Variants in PSD3 observed in about 807,000 individuals in gnomAD.
The protein encoded by PSD3 is PH and SEC7 domain-containing protein 3.
In PSD3, 49 loss-of-function variants were observed where a neutral mutation model predicts 105.5. The ratio of observed to expected loss-of-function variants is 0.46; its 90% CI spans 0.37 to 0.59. PSD3 has a LOEUF of 0.59. Ranked by LOEUF, PSD3 falls within the 20% of genes least tolerant of loss-of-function variation. The pLI is 0.00. For missense variants in PSD3, 1,561 were observed against 1,263.8 expected, an observed-to-expected ratio of 1.24 and a Z score of -3.57; for synonymous variants, 557 against 457.8, an observed-to-expected ratio of 1.22 and a Z score of -2.77.
intron 4 of PSD3, among the ~76,000 whole-genome samples, chr8:18,867,030 G>A (rs1354143739): frequency 6.6e-6 from 1 of 152,026 alleles, no homozygotes; most frequent in East Asian, 1.9e-4. Flanking sequence ...CCAAATAACA[G>A]GCATGGTGGA....
At position 18,665,192 on chromosome 8, in the gene PSD3, C is replaced by T. The variant is rs144953419; in HGVS notation, c.2173-9507G>A. Among the ~76,000 whole-genome samples the T allele has an allele frequency of 1.8e-3, 274 of 152,304 alleles. 1 individual carries two copies. The highest frequency in any genetic ancestry group is 6.0e-3 in the African/African-American group (251 of 41,546). Reference sequence around the variant, plus strand: ...TAGCGATTCCTCTGATGGATATGGGCAAAGTAAACTGAAAACCTTCTAGAA... The same window carrying T: ...TAGCGATTCCTCTGATGGATATGGGTAAAGTAAACTGAAAACCTTCTAGAA... On this transcript the variant is annotated intron_variant, in intron 9 of 15. Transcript: ENST00000327040.
At chr8:19,007,115 T>C (rs568573369) in intron 1 of PSD3, among the ~76,000 whole-genome samples, 13 of 152,070 alleles carry the variant, frequency 8.5e-5, no homozygotes, top group African/African-American at 3.1e-4. Context: ...CAGCCAGGCA[T>C]GATTGGTGCA....
chr8:18,904,406 G>A (rs1819706298), intron 2 of PSD3, among the ~76,000 whole-genome samples: 2 of 152,248 alleles, frequency 1.3e-5, no homozygotes, highest in South Asian at 4.1e-4. Flanking sequence ...ATGAAGATGG[G>A]GCTGCCCAAG....
intron 1 of PSD3, among the ~76,000 whole-genome samples, chr8:18,938,752 C>G (rs760597979): frequency 1.8e-4 from 27 of 152,000 alleles, no homozygotes; most frequent in Non-Finnish European, 3.2e-4. Flanking sequence ...ATGCTCAGAA[C>G]AATCCTATGA....
At chr8:18,862,080 T>C (rs1816495425) in intron 4 of PSD3, among the ~76,000 whole-genome samples, 1 of 152,234 alleles carries the variant, frequency 6.6e-6, no homozygotes, top group South Asian at 2.1e-4. Flanking sequence ...GGGTTACTAC[T>C]GTCATTGGTA....
intron 1 of PSD3, among the ~76,000 whole-genome samples, chr8:18,997,991 T>C (rs1200883167): frequency 1.3e-5 from 2 of 152,038 alleles, no homozygotes; most frequent in African/African-American, 4.8e-5. Context: ...TTTTTTCTTT[T>C]TTAATTTTTA....
intron 1 of PSD3, among the ~76,000 whole-genome samples, chr8:19,070,402 T>C (rs1450076977): frequency 6.8e-6 from 1 of 146,926 alleles, no homozygotes; most frequent in Non-Finnish European, 1.5e-5. Context: ...AAAATAAAGC[T>C]AGAGAGGCAA....
At chr8:18,723,138 T>G (rs1202910828) in intron 9 of PSD3, among the ~76,000 whole-genome samples, 1 of 152,134 alleles carries the variant, frequency 6.6e-6, no homozygotes, top group Non-Finnish European at 1.5e-5. Context: ...TCATGCCTCT[T>G]AAGAGTGACC....
chr8:18,972,465 G>A (rs1191298314), intron 1 of PSD3, among the ~76,000 whole-genome samples: 1 of 152,186 alleles, frequency 6.6e-6, no homozygotes, highest in Non-Finnish European at 1.5e-5. Context: ...ACATTTGAAG[G>A]AATCCAACCC....
chr8:18,979,663 A>G, intron 1 of PSD3: 1 of 161,382 alleles, frequency 6.2e-6, no homozygotes, highest in East Asian at 1.7e-4. Flanking sequence ...TGACTGGCCA[A>G]TGAACTCACA....
At chr8:19,045,817 C>T (rs1356785007) in intron 1 of PSD3, among the ~76,000 whole-genome samples, 2 of 152,136 alleles carry the variant, frequency 1.3e-5, no homozygotes, top group African/African-American at 4.8e-5. Flanking sequence ...CCACTAGATG[C>T]TTTATAAACA....
intron 9 of PSD3, among the ~76,000 whole-genome samples, chr8:18,660,333 G>C (rs1406544344): frequency 6.6e-6 from 1 of 152,084 alleles, no homozygotes; most frequent in East Asian, 1.9e-4. Context: ...ACCCTCCAGA[G>C]GGTAAAAAGC....
chr8:18,682,743 C>T (rs1411801724), intron 9 of PSD3, among the ~76,000 whole-genome samples: 3 of 152,024 alleles, frequency 2.0e-5, no homozygotes, highest in East Asian at 1.9e-4. Flanking sequence ...CCTGTTAATG[C>T]CAAAGTCTTT....
At chr8:18,935,973 A>C in intron 2 of PSD3, 61 bp downstream of exon 2, 3 of 1,081,380 alleles carry the variant, frequency 2.8e-6, no homozygotes, top group Non-Finnish European at 4.2e-6. Flanking sequence ...GAGAAAAATC[A>C]CTTTGAAATC....
In PSD3 at chr8:18,622,817, G is replaced by A. The variant is rs116888912; in HGVS notation, c.2410+9796C>T. 9.7e-3 allele frequency among the ~76,000 whole-genome samples: 1,482 copies of A among 152,168 alleles called. 15 individuals are homozygous for A. Among genetic ancestry groups the A allele is most frequent in the Admixed American group, 0.015 (233 of 15,290 alleles). Reference sequence around the variant, plus strand: ...TCCTCTCTGTAAGAGGAGCTTAACGGATCTCTCTCCCTGCTCCCTCTTAGT... The same window carrying A: ...TCCTCTCTGTAAGAGGAGCTTAACGAATCTCTCTCCCTGCTCCCTCTTAGT... On this transcript the variant is annotated intron_variant, in intron 11 of 15. Transcript: ENST00000327040.
intron 9 of PSD3, among the ~76,000 whole-genome samples, chr8:18,747,165 T>C (rs1047593156): frequency 3.3e-5 from 5 of 152,264 alleles, no homozygotes; most frequent in South Asian, 2.1e-4. Flanking sequence ...GATTTAAAAA[T>C]GTACCACAAA....
At chr8:18,784,310 G>T (rs78265423) in intron 8 of PSD3, among the ~76,000 whole-genome samples, 2 of 151,862 alleles carry the variant, frequency 1.3e-5, no homozygotes, top group Admixed American at 6.6e-5. Context: ...GTTCTTTCAC[G>T]GCTTATTATG....
chr8:18,571,404 T>C (rs1802129751), intron 14 of PSD3, among the ~76,000 whole-genome samples: 1 of 152,114 alleles, frequency 6.6e-6, no homozygotes, highest in Non-Finnish European at 1.5e-5. Flanking sequence ...ACACCTCACC[T>C]AACTGCCTCT....
chr8:18,681,262 A>C (rs1800370621), intron 9 of PSD3, among the ~76,000 whole-genome samples: 2 of 152,094 alleles, frequency 1.3e-5, no homozygotes, highest in African/African-American at 4.8e-5. Context: ...GACATCCTGC[A>C]TTTTGGATGA....
Sources: gnomAD v4.1 joint callset for allele counts (sites outside exome capture counted in the v4.1 genomes callset) on GRCh38, gnomAD v4.1.1 for gene constraint, MANE v1.5 for transcripts, NCBI Gene and HGNC (gene_info 2026-07-23, HGNC 2026-07-21) for gene names.